IQGAP2: variants seen among roughly 807,000 people sequenced by gnomAD.
The protein encoded by IQGAP2 is ras GTPase-activating-like protein IQGAP2.
Under a neutral mutation model 201.3 loss-of-function variants are expected in IQGAP2, and 173 were observed. That is an observed-to-expected ratio of 0.86 (90% CI 0.76 to 0.98). IQGAP2 has a LOEUF of 0.98. Among genes scored for constraint, IQGAP2 ranks in the 50% least tolerant of loss-of-function variants. The pLI, the probability that IQGAP2 is intolerant of heterozygous loss-of-function variation, is 0.00. For missense variants in IQGAP2, 1,687 were observed against 1,864.8 expected (o/e 0.90, Z 1.76); for synonymous variants, 675 against 673.9 (o/e 1.00, Z -0.03).
At chr5:76,553,316 A>C in intron 2 of IQGAP2, among the ~76,000 whole-genome samples, 1 of 152,220 alleles carries the variant, frequency 6.6e-6, no homozygotes, top group East Asian at 1.9e-4. Context: ...TTAAAATATT[A>C]AGGGAAAAAT....
At chr5:76,695,290 T>C (rs1214585963) in intron 31 of IQGAP2, among the ~76,000 whole-genome samples, 164 bp from the exon 32 acceptor site, 1 of 152,226 alleles carries the variant, frequency 6.6e-6, no homozygotes, top group African/African-American at 2.4e-5. Flanking sequence ...GTAATTCCTT[T>C]CAAAGACCTA....
At chr5:76,451,872 T>TA (rs1317227444) in intron 1 of IQGAP2, among the ~76,000 whole-genome samples, 3 of 152,140 alleles carry the variant, frequency 2.0e-5, no homozygotes, top group South Asian at 4.1e-4. Flanking sequence ...CCGTCTCTAC[T>TA]AAAAATACAA....
intron 2 of IQGAP2, among the ~76,000 whole-genome samples, chr5:76,536,477 C>T (rs1156949329): frequency 5.3e-5 from 8 of 151,832 alleles, no homozygotes; most frequent in Non-Finnish European, 2.9e-5. Flanking sequence ...ACTGGTAATA[C>T]AGCCGGGCAC....
chr5:76,673,216 C>G (rs920552898), intron 24 of IQGAP2, among the ~76,000 whole-genome samples: 5 of 152,092 alleles, frequency 3.3e-5, no homozygotes, highest in African/African-American at 7.2e-5. Flanking sequence ...CTGGGTCTGC[C>G]TCTTATCTTG....
intron 34 of IQGAP2, chr5:76,701,885 G>C (rs1747428114): frequency 6.5e-6 from 1 of 152,748 alleles, no homozygotes. Context: ...GCCCAGGCTG[G>C]AGTGCAGTGG....
In IQGAP2 at chr5:76,677,529, C is replaced by G. The variant is rs868565969; in HGVS notation, c.3660+179C>G. ...CTTATACATTAATAAAACTCCTTCT[C>G]CCAAACAACAAAATTCTATTTTTAC... On this transcript the variant is annotated intron_variant, in intron 28 of 35. Transcript: ENST00000274364. 6.8e-5 allele frequency: 30 copies of G among 440,564 alleles called. No individual in the cohort carries two copies. In the Middle Eastern group the frequency reaches 1.2e-3, roughly 18 times the overall value. The allele number at this position is 440,564 out of a possible 1,614,324, so 27.3% of individuals were successfully genotyped here. A position where few individuals can be genotyped will look rare whatever the true frequency, so the allele number is the denominator to read the frequency against.
chr5:76,666,159 T>A (rs916822275), intron 22 of IQGAP2, among the ~76,000 whole-genome samples: 1 of 152,216 alleles, frequency 6.6e-6, no homozygotes, highest in African/African-American at 2.4e-5. Context: ...AATAAGAGAT[T>A]GGAGAACATC....
At chr5:76,652,311 G>C (rs1346755566) in intron 17 of IQGAP2, among the ~76,000 whole-genome samples, 3 of 152,316 alleles carry the variant, frequency 2.0e-5, no homozygotes, top group Non-Finnish European at 4.4e-5. Flanking sequence ...CTCCTTTCCA[G>C]TCGGGGCCAC....
At chr5:76,631,614 C>A (rs1750711814) in intron 14 of IQGAP2, among the ~76,000 whole-genome samples, 1 of 152,150 alleles carries the variant, frequency 6.6e-6, no homozygotes, top group Non-Finnish European at 1.5e-5. Context: ...TGCCTTCATA[C>A]CACATATGAG....
chr5:76,634,847 A>G (rs17652611), intron 15 of IQGAP2, among the ~76,000 whole-genome samples: 52,074 of 152,080 alleles, frequency 0.34, 9,207 homozygotes, highest in Non-Finnish European at 0.39. Flanking sequence ...TCTAAAAAGT[A>G]TGCCTCCTTG....
At chr5:76,636,072 C>A (rs576222304) in intron 15 of IQGAP2, among the ~76,000 whole-genome samples, 1 of 152,114 alleles carries the variant, frequency 6.6e-6, no homozygotes. Context: ...CCAAATGAAG[C>A]ATCAACACAT....
intron 1 of IQGAP2, among the ~76,000 whole-genome samples, chr5:76,406,663 G>A (rs974710418): frequency 3.3e-5 from 5 of 152,186 alleles, no homozygotes; most frequent in African/African-American, 1.2e-4. Flanking sequence ...ATGATCTGTC[G>A]TAAGTTTTGT....
intron 3 of IQGAP2, among the ~76,000 whole-genome samples, chr5:76,563,356 G>A (rs564687617): frequency 5.3e-5 from 8 of 152,220 alleles, no homozygotes; most frequent in Admixed American, 3.9e-4. Flanking sequence ...TAAAAATCCC[G>A]ATTTTTTAGA....
In IQGAP2 at chr5:76,654,267, A is replaced by G; in HGVS notation, c.2246A>G (p.Asp749Gly). Residue 749 changes from aspartate to glycine, a missense_variant, in exon 19 of 36, where the codon GAT (aspartate) becomes GGT (glycine). Coordinates refer to ENST00000274364, the MANE Select transcript of IQGAP2 (RefSeq NM_006633.5). ...SYLSRLQYFRDHNNEIVKIQS... is the reference protein window; with the variant it reads ...SYLSRLQYFRGHNNEIVKIQS... ...CTTTCAAGACTACAGTATTTCAGAG[A>G]TCATGTAAGAAAAATGCCTGTGGGA... 6.2e-7 allele frequency: 1 copy of G among 1,602,254 alleles called. No homozygotes were observed. The highest frequency in any genetic ancestry group is 8.5e-7 in the Non-Finnish European group (1 of 1,172,350).
intron 1 of IQGAP2, among the ~76,000 whole-genome samples, chr5:76,456,111 A>G (rs1250808098): frequency 6.6e-6 from 1 of 152,208 alleles, no homozygotes; most frequent in Non-Finnish European, 1.5e-5. Flanking sequence ...AAAGTTGAGC[A>G]CACCATTCAG....
chr5:76,576,347 A>T (rs1031992096), intron 5 of IQGAP2, among the ~76,000 whole-genome samples: 2 of 152,224 alleles, frequency 1.3e-5, no homozygotes, highest in East Asian at 3.8e-4. Flanking sequence ...TCAATAACTT[A>T]ATTTTTGAAA....
chr5:76,631,941 T>C lies in IQGAP2; in HGVS notation c.1695T>C (p.Thr565=), dbSNP rs1371467177. Residue 565 remains threonine, a synonymous_variant, in exon 15 of 36, where the codon ACT becomes ACC. Transcript: ENST00000274364. ...SDILSVLKSS[T]SNANDIIPEC... is the part of the protein sequence containing the mutation. ...TTTTGTCTGTATTGAAGTCTTCCACTTCTAATGCAAATGACATAATCCCGG... is the reference window on the plus strand; with the variant it reads ...TTTTGTCTGTATTGAAGTCTTCCACCTCTAATGCAAATGACATAATCCCGG... The C allele has an allele frequency of 6.2e-7, 1 of 1,612,904 alleles. No homozygotes were observed. Among genetic ancestry groups the C allele is most frequent in the Non-Finnish European group, 8.5e-7 (1 of 1,179,226 alleles).
Position 76,403,525 on chromosome 5 carries a change from G to T in IQGAP2, c.-21G>T, listed in dbSNP as rs1750623773. Reference sequence around the variant, plus strand: ...TAGCCGCGGGGGGCGCGCCCCGGGCGGGCCCCCGGAGACGCGCAGGATGCC... The same window carrying T: ...TAGCCGCGGGGGGCGCGCCCCGGGCTGGCCCCCGGAGACGCGCAGGATGCC... On this transcript the variant is annotated 5_prime_UTR_variant, in exon 1 of 36. Transcript: ENST00000274364. The surrounding 1 kb of genome is among the most constrained non-coding windows in gnomAD (Gnocchi z 4.8). 3 of 1,480,910 alleles carry T rather than the reference G, an allele frequency of 2.0e-6. No individual in the cohort carries two copies. The highest frequency in any genetic ancestry group is 2.6e-5 in the South Asian group (2 of 77,468). The allele number at this position is 1,480,910 out of a possible 1,614,324, so 91.7% of individuals were successfully genotyped here.
intron 5 of IQGAP2, among the ~76,000 whole-genome samples, chr5:76,578,452 A>G (rs566686896): frequency 9.8e-4 from 149 of 152,126 alleles, no homozygotes; most frequent in African/African-American, 3.4e-3. Flanking sequence ...AGCTGGGACT[A>G]CAGGCACGCA....
Sources: allele counts gnomAD v4.1 joint callset (sites outside exome capture counted in the v4.1 genomes callset), GRCh38; gene constraint gnomAD v4.1.1; non-coding constraint Gnocchi (gnomAD v3.1); transcripts MANE v1.5; gene names NCBI Gene and HGNC (gene_info 2026-07-23, HGNC 2026-07-21).